PCID2: variants seen among roughly 807,000 people sequenced by gnomAD.
The protein encoded by PCID2 is PCI domain containing 2, also known as PCI domain-containing protein 2.
Under a neutral mutation model 61.3 loss-of-function variants are expected in PCID2, and 41 were observed. That is an observed-to-expected ratio of 0.67 (90% confidence interval 0.52 to 0.87). PCID2 has a LOEUF of 0.87. Among genes scored for constraint, PCID2 ranks in the 40% least tolerant of loss-of-function variants. PCID2 has a pLI of 0.00. For missense variants in PCID2, 392 were observed against 493.4 expected, an observed-to-expected ratio of 0.79 and a Z score of 1.95; for synonymous variants, 187 against 177.8, an observed-to-expected ratio of 1.05 and a Z score of -0.41.
At chr13:113,190,783 C>A in intron 7 of PCID2, 89 bp downstream of exon 7, 1 of 617,002 alleles carries the variant, frequency 1.6e-6, no homozygotes, top group South Asian at 2.7e-5. Flanking sequence ...AAATATGTGT[C>A]AACAATAAAC....
intron 6 of PCID2, among the ~76,000 whole-genome samples, chr13:113,191,421 T>A (rs1412090004): frequency 6.6e-6 from 1 of 152,164 alleles, no homozygotes; most frequent in African/African-American, 2.4e-5. Flanking sequence ...GCATGTACTA[T>A]AATATTTTTA....
chr13:113,170,119 A>AT, the PCID2 span, among the ~76,000 whole-genome samples: 1 of 152,112 alleles, frequency 6.6e-6, no homozygotes, highest in Non-Finnish European at 1.5e-5. Context: ...GATTTTGTCA[A>AT]TTTTTTGCTT....
At position 113,190,993 on chromosome 13, in the gene PCID2, C is replaced by T. The variant is rs1469437653; in HGVS notation, c.364-18G>A. On this transcript the variant is annotated intron_variant, in intron 6 of 13. Coordinates refer to ENST00000337344, the MANE Select transcript of PCID2 (RefSeq NM_001127202.4). The stretch of plus-strand genomic sequence containing the variant: ...TGATCTGCCTAATAAAATATAAGAA[C>T]TTTTATTTCATTTTTCCGAAGCAAG... 1.3e-6 allele frequency: 2 copies of T among 1,568,042 alleles called. No homozygotes were observed. The highest frequency in any genetic ancestry group is 1.7e-5 in the Admixed American group (1 of 59,386).
chr13:113,191,485 A>T (rs996270074), intron 6 of PCID2, among the ~76,000 whole-genome samples: 2 of 152,236 alleles, frequency 1.3e-5, no homozygotes, highest in Non-Finnish European at 2.9e-5. Flanking sequence ...ATCTTTCTTC[A>T]ATTATTTCAA....
At chr13:113,200,599 A>C (rs1224035803) in intron 1 of PCID2, 83 bp from the exon 2 acceptor site, 2 of 861,046 alleles carry the variant, frequency 2.3e-6, no homozygotes, top group African/African-American at 1.7e-5. Flanking sequence ...TGAATGCCAC[A>C]CAGGGGAAAA....
chr13:113,167,705 G>A, the PCID2 span, among the ~76,000 whole-genome samples: 1 of 152,132 alleles, frequency 6.6e-6, no homozygotes, highest in African/African-American at 2.4e-5. Flanking sequence ...TTTATAGGTA[G>A]TATATAATTG....
the PCID2 span, among the ~76,000 whole-genome samples, chr13:113,165,910 C>G: frequency 6.6e-6 from 1 of 152,170 alleles, no homozygotes; most frequent in African/African-American, 2.4e-5. Flanking sequence ...TCAGCTATTT[C>G]TCCCTCCTCA....
intron 10 of PCID2, 89 bp downstream of exon 10, chr13:113,181,041 A>G (rs2037587741): frequency 2.4e-6 from 2 of 843,118 alleles, no homozygotes; most frequent in East Asian, 2.5e-5. Context: ...GATCAACTAC[A>G]GACTGTCTGC....
At chr13:113,185,238 T>C (rs970020814) in intron 8 of PCID2, among the ~76,000 whole-genome samples, 1 of 152,238 alleles carries the variant, frequency 6.6e-6, no homozygotes, top group Non-Finnish European at 1.5e-5. Context: ...GGGGCCTTCG[T>C]TTCCTCTGGG....
At chr13:113,175,346 G>A (rs529242386), downstream of PCID2, among the ~76,000 whole-genome samples, 27 of 152,312 alleles carry the variant, frequency 1.8e-4, no homozygotes, top group Middle Eastern at 3.4e-3. Context: ...ACTATGGACG[G>A]TTCAATACGT....
At chr13:113,166,217 G>C in the PCID2 span, 1 of 152,218 alleles carries the variant, frequency 6.6e-6, no homozygotes, top group African/African-American at 2.4e-5. Context: ...GTAAGTAAAA[G>C]CATGTGAAAT....
intron 6 of PCID2, among the ~76,000 whole-genome samples, chr13:113,191,292 C>T (rs183130139): frequency 2.2e-3 from 331 of 152,088 alleles, no homozygotes; most frequent in African/African-American, 7.7e-3. Flanking sequence ...TCCTGGCCTC[C>T]GGAAGTGTTG....
chr13:113,180,897 T>G (rs2037570436), intron 10 of PCID2, among the ~76,000 whole-genome samples: 1 of 152,216 alleles, frequency 6.6e-6, no homozygotes, highest in Admixed American at 6.5e-5. Context: ...TAAATACTTT[T>G]AAGGGAAACA....
At chr13:113,166,156 G>C in the PCID2 span, 1 of 152,158 alleles carries the variant, frequency 6.6e-6, no homozygotes, top group Non-Finnish European at 1.5e-5. Flanking sequence ...TTGTCCAATA[G>C]AAATGCAGTG....
At chr13:113,167,473 C>G in the PCID2 span, among the ~76,000 whole-genome samples, 30,945 of 152,060 alleles carry the variant, frequency 0.2, 3,926 homozygotes, top group East Asian at 0.55. Context: ...GCTATGTGGG[C>G]ACATGCTTTA....
chr13:113,192,675 G>C (rs9549688), intron 6 of PCID2, among the ~76,000 whole-genome samples: 37,599 of 152,098 alleles, frequency 0.25, 4,824 homozygotes, highest in East Asian at 0.28. Context: ...TTTCTGATGA[G>C]GCCCCTGGAG....
Position 113,195,104 on chromosome 13 carries a change from T to C in PCID2, c.330A>G (p.Ala110=), listed in dbSNP as rs2038913166. The C allele has an allele frequency of 1.2e-6, 2 of 1,611,186 alleles. No individual in the cohort carries two copies. Among genetic ancestry groups the C allele is most frequent in the Non-Finnish European group, 1.7e-6 (2 of 1,177,262 alleles). ...EENWALPVMY[A]VALDLRVFAN... ...CAAACACTCGAAGGTCAAGCGCTAC[T>C]GCATACATGACAGGCAGAGCCCTGC... Residue 110 remains alanine (A), a synonymous_variant, in exon 6 of 14, where the codon GCA becomes GCG. Transcript: ENST00000337344.
At chr13:113,166,045 C>T in the PCID2 span, 1 of 152,240 alleles carries the variant, frequency 6.6e-6, no homozygotes, top group Non-Finnish European at 1.5e-5. Flanking sequence ...TTTTATACCA[C>T]CCACACTGGC....
In PCID2 at chr13:113,208,281, A is replaced by C. The variant is rs977481849; in HGVS notation, c.36+318T>G. The C allele has an allele frequency of 1.6e-5, 23 of 1,435,832 alleles. No homozygotes were observed. The African/African-American group carries it at 3.1e-4, about 20-fold the overall frequency. The allele number at this position is 1,435,832 out of a possible 1,614,324, so 88.9% of individuals were successfully genotyped here. The stretch of plus-strand genomic sequence containing the variant: ...TCGGCGTGGCCCGCAGGCCCTTCGG[A>C]CCGCCTGGGAGCGCGGCCACACGTG... On this transcript the variant is annotated intron_variant, in intron 1 of 13. Coordinates refer to ENST00000337344, the MANE Select transcript of PCID2 (RefSeq NM_001127202.4).
Sources: allele counts gnomAD v4.1 joint callset (sites outside exome capture counted in the v4.1 genomes callset), GRCh38; gene constraint gnomAD v4.1.1; transcripts MANE v1.5; gene names NCBI Gene and HGNC (gene_info 2026-07-23, HGNC 2026-07-21).